Variants in MX1 observed in about 807,000 individuals in gnomAD.
MX1 encodes the protein MX dynamin like GTPase 1.
In MX1, 66 loss-of-function variants were observed where a neutral mutation model predicts 66.4. The ratio of observed to expected loss-of-function variants is 0.99; its 90% CI spans 0.82 to 1.22. MX1 has a LOEUF of 1.22. MX1 is among the 50% of genes most tolerant of loss of function. The pLI, the probability that MX1 is intolerant of heterozygous loss-of-function variation, is 0.00. For synonymous variants in MX1, 311 were observed against 318.1 expected (o/e 0.98, Z 0.24); for missense variants, 787 against 834.3 (o/e 0.94, Z 0.70).
intron 13 of MX1, 52 bp downstream of exon 13, chr21:41,446,193 TGG>T: frequency 6.7e-7 from 1 of 1,500,160 alleles, no homozygotes. Flanking sequence ...TACCTGAGAC[TGG>T]GTCATTTATA....
At position 41,445,208 on chromosome 21, in the gene MX1, A is replaced by G. The variant is rs576473626; in HGVS notation, c.1009-240A>G. 5.9e-5 allele frequency among the ~76,000 whole-genome samples: 9 copies of G among 152,294 alleles called. No homozygotes were observed. In the East Asian group the frequency reaches 1.2e-3, roughly 20 times the overall value. On this transcript the variant is annotated intron_variant, in intron 11 of 16. Transcript: ENST00000398598. ...CTAGGACCCATGCACAGTGGGTGCC[A>G]CAGTGCTGCTCATGAGGCTGCTGTC...
At chr21:41,435,130 C>A (rs1012104834) in intron 5 of MX1, among the ~76,000 whole-genome samples, 1 of 152,190 alleles carries the variant, frequency 6.6e-6, no homozygotes, top group African/African-American at 2.4e-5. Context: ...AGATTGACAG[C>A]AGATTTCTCA....
intron 6 of MX1, 56 bp from the exon 7 acceptor site, chr21:41,436,959 G>A (rs557444745): frequency 1.6e-5 from 25 of 1,599,990 alleles, no homozygotes; most frequent in Admixed American, 1.6e-4. Context: ...GGCCTAAGGC[G>A]CTATGTAGGT....
chr21:41,451,695 C>T (rs202059424), intron 15 of MX1, among the ~76,000 whole-genome samples: 17 of 151,840 alleles, frequency 1.1e-4, no homozygotes, highest in Non-Finnish European at 1.0e-4. Flanking sequence ...AGTAGCTGGA[C>T]GTGGTGGTGC....
chr21:41,426,663 AC>A (rs772020286), intron 1 of MX1: 1 of 152,256 alleles, frequency 6.6e-6, no homozygotes, highest in Non-Finnish European at 1.5e-5. Context: ...GCCCACCCGA[AC>A]GCCGACCACT....
intron 11 of MX1, 37 bp downstream of exon 11, chr21:41,443,903 A>G (rs1568985316): frequency 6.3e-7 from 1 of 1,586,418 alleles, no homozygotes; most frequent in East Asian, 2.2e-5. Context: ...TCTAAAAAGA[A>G]TACTACGACC....
chr21:41,442,790 C>T (rs1008968938), intron 10 of MX1: 1 of 152,252 alleles, frequency 6.6e-6, no homozygotes, highest in Non-Finnish European at 1.5e-5. Context: ...AAAGGAAAGA[C>T]ATTCTGACAC....
chr21:41,443,904 T>C (rs772580748), intron 11 of MX1, 38 bp downstream of exon 11: 2 of 1,584,030 alleles, frequency 1.3e-6, no homozygotes, highest in Non-Finnish European at 1.7e-6. Context: ...CTAAAAAGAA[T>C]ACTACGACCG....
intron 5 of MX1, among the ~76,000 whole-genome samples, chr21:41,432,518 C>T (rs34694848): frequency 2.4e-3 from 365 of 152,352 alleles, no homozygotes; most frequent in African/African-American, 8.2e-3. Flanking sequence ...AAGCTACAAA[C>T]CCTGGGGCAT....
At position 41,445,586 on chromosome 21, in the gene MX1, T is replaced by C; in HGVS notation, c.1131+16T>C. The C allele has an allele frequency of 6.2e-7, 1 of 1,614,072 alleles. No individual in the cohort carries two copies. Among genetic ancestry groups the C allele is most frequent in the Non-Finnish European group, 8.5e-7 (1 of 1,180,010 alleles). On this transcript the variant is annotated intron_variant, in intron 12 of 16. Coordinates refer to ENST00000398598, the MANE Select transcript of MX1 (RefSeq NM_002462.5). ...CCTGATAGATGTGAGTGTTGCCAGC[T>C]GCATGGAGCTGGAGAAGCACATGTC...
intron 16 of MX1, among the ~76,000 whole-genome samples, chr21:41,456,121 A>G (rs901692997): frequency 2.6e-5 from 4 of 152,180 alleles, no homozygotes; most frequent in African/African-American, 7.2e-5. Flanking sequence ...GCCCATGCCT[A>G]TAGTCCCAGC....
intron 5 of MX1, among the ~76,000 whole-genome samples, chr21:41,435,041 A>G (rs769125249): frequency 5.3e-5 from 8 of 152,236 alleles, no homozygotes; most frequent in Non-Finnish European, 1.2e-4. Context: ...TGCTGGGTAT[A>G]GAATTCTAGA....
chr21:41,423,031 G>A (rs1402238639), upstream of MX1: 3 of 152,616 alleles, frequency 2.0e-5, no homozygotes, highest in Non-Finnish European at 4.4e-5. Context: ...TCTCTGACCT[G>A]GGGTTCTTGG....
At chr21:41,451,283 AG>A in intron 15 of MX1, 40 bp downstream of exon 15, 1 of 1,305,444 alleles carries the variant, frequency 7.7e-7, no homozygotes, top group Non-Finnish European at 1.1e-6. Context: ...AAAAAAGAAA[AG>A]AAATTAAGCT....
intron 13 of MX1, among the ~76,000 whole-genome samples, chr21:41,448,766 A>C (rs533484123): frequency 1.3e-4 from 20 of 152,268 alleles, no homozygotes; most frequent in African/African-American, 4.8e-4. Flanking sequence ...AGATCACGCC[A>C]CTGCACTCCA....
At position 41,445,647 on chromosome 21, in the gene MX1, C is replaced by T. The variant is rs137891655; in HGVS notation, c.1131+77C>T. On this transcript the variant is annotated intron_variant, in intron 12 of 16. Coordinates refer to ENST00000398598, the MANE Select transcript of MX1 (RefSeq NM_002462.5). Reference sequence around the variant, plus strand: ...AAGGGACCCTGGGCCTTATGCACTTCCTTCTTCACTCCCCCAAGGCTGATC... The same window carrying T: ...AAGGGACCCTGGGCCTTATGCACTTTCTTCTTCACTCCCCCAAGGCTGATC... The T allele has an allele frequency of 1.6e-5, 26 of 1,584,890 alleles. No homozygotes were observed. In the African/African-American group the frequency reaches 2.7e-4, roughly 16 times the overall value.
chr21:41,441,947 C>A lies in MX1; in HGVS notation c.929+33C>A. 1.2e-6 allele frequency: 2 copies of A among 1,611,314 alleles called. No individual in the cohort carries two copies. The highest frequency in any genetic ancestry group is 2.2e-5 in the South Asian group (2 of 90,928). On this transcript the variant is annotated intron_variant, in intron 10 of 16. Transcript: ENST00000398598. The surrounding 1 kb of genome is among the most constrained non-coding windows in gnomAD (Gnocchi z 4.0). ...TGCCTGGGTTTCATCATGGATCAGT[C>A]CAAGCCCAGGATGTCAGGCCTTCCA...
intron 5 of MX1, among the ~76,000 whole-genome samples, chr21:41,432,416 T>C (rs372599738): frequency 3.9e-5 from 6 of 152,204 alleles, no homozygotes; most frequent in African/African-American, 1.4e-4. Context: ...TGTCGATGGG[T>C]TCAGCTCATC....
At chr21:41,452,488 G>A in intron 15 of MX1, 133 bp from the exon 16 acceptor site, 1 of 1,019,342 alleles carries the variant, frequency 9.8e-7, no homozygotes, top group Non-Finnish European at 1.4e-6. Context: ...GCGCGGCCCA[G>A]AGGGCTGTTC....
Sources: gnomAD v4.1 joint callset for allele counts (sites outside exome capture counted in the v4.1 genomes callset) on GRCh38, gnomAD v4.1.1 for gene constraint, Gnocchi (gnomAD v3.1) non-coding constraint, MANE v1.5 for transcripts, NCBI Gene and HGNC (gene_info 2026-07-23, HGNC 2026-07-21) for gene names.